SETD9: variants seen among roughly 807,000 people sequenced by gnomAD.
SETD9 encodes the protein SET domain containing 9.
Under a neutral mutation model 36.4 loss-of-function variants are expected in SETD9, and 37 were observed. The observed-to-expected ratio is 1.02, with a 90% CI of 0.78 to 1.34. The LOEUF (loss-of-function observed/expected upper bound fraction) is 1.34. Among genes scored for constraint, SETD9 ranks in the 40% most tolerant of loss-of-function variants. The pLI is 0.00. For synonymous variants in SETD9, 128 were observed against 132.9 expected (o/e 0.96, Z 0.26); for missense variants, 323 against 353.2 (o/e 0.91, Z 0.69).
chr5:56,919,126 CTT>C (rs34426416), downstream of SETD9, among the ~76,000 whole-genome samples: 15 of 132,526 alleles, frequency 1.1e-4, no homozygotes, highest in East Asian at 4.3e-4. Flanking sequence ...TTTGGGACTT[CTT>C]TTTTTTTTTT....
intron 5 of SETD9, among the ~76,000 whole-genome samples, chr5:56,915,575 T>C (rs747953620): frequency 6.6e-6 from 1 of 152,210 alleles, no homozygotes; most frequent in Non-Finnish European, 1.5e-5. Context: ...CTTTGTATTA[T>C]TTTGTTGAGT....
intron 5 of SETD9, chr5:56,923,786 G>T (rs768910149): frequency 6.2e-7 from 1 of 1,614,088 alleles, no homozygotes; most frequent in Non-Finnish European, 8.5e-7. Flanking sequence ...AGCATTTACC[G>T]TCCCACCCAA....
At chr5:56,911,065 G>C in intron 1 of SETD9, 104 bp from the exon 2 acceptor site, 2 of 1,341,800 alleles carry the variant, frequency 1.5e-6, no homozygotes, top group Non-Finnish European at 2.0e-6. Context: ...ACACACATGA[G>C]AATAAGCTTA....
chr5:56,917,449 C>A, downstream of SETD9: 2 of 507,770 alleles, frequency 3.9e-6, no homozygotes, highest in Non-Finnish European at 5.1e-6. Flanking sequence ...ATTTTCACAC[C>A]AAAGAAAAGG....
chr5:56,915,326 C>T (rs550284349), intron 5 of SETD9, among the ~76,000 whole-genome samples: 1 of 152,078 alleles, frequency 6.6e-6, no homozygotes, highest in South Asian at 2.1e-4. Context: ...AGAAAGCATC[C>T]AATTGAAGAA....
downstream of SETD9, among the ~76,000 whole-genome samples, chr5:56,927,590 G>C (rs544121761): frequency 1.7e-3 from 252 of 152,246 alleles, no homozygotes; most frequent in African/African-American, 5.8e-3. Context: ...TTTAAGAGTA[G>C]TTTGAGGTTC....
In SETD9 at chr5:56,910,070, G is replaced by C. The variant is rs1487277879; in HGVS notation, c.98+327G>C. 4 of 1,273,956 alleles carry C rather than the reference G, an allele frequency of 3.1e-6. No homozygotes were observed. The East Asian group carries it at 1.7e-4, about 54-fold the overall frequency. 78.9% of individuals were successfully genotyped at this position (1,273,956 alleles called of 1,614,324 possible). ...TGCGCTGCCGGGCCCGCGAGGCCGAGCTCGCCAGCCGGATGTGTCGCCTGT... is the reference window on the plus strand; with the variant it reads ...TGCGCTGCCGGGCCCGCGAGGCCGACCTCGCCAGCCGGATGTGTCGCCTGT... On this transcript the variant is annotated intron_variant, in intron 1 of 5. Transcript: ENST00000285947.
intron 1 of SETD9, chr5:56,910,147 T>A (rs1046411682): frequency 2.1e-5 from 26 of 1,219,306 alleles, no homozygotes; most frequent in Non-Finnish European, 2.6e-5. Flanking sequence ...TGGGCAAAAA[T>A]GGAAACTTTT....
Position 56,914,003 on chromosome 5 carries a change from A to G in SETD9, c.706+14A>G. The G allele has an allele frequency of 6.4e-7, 1 of 1,571,712 alleles. No homozygotes were observed. The highest frequency in any genetic ancestry group is 8.8e-7 in the Non-Finnish European group (1 of 1,141,424). On this transcript the variant is annotated intron_variant, in intron 4 of 5. Coordinates refer to ENST00000285947, the MANE Select transcript of SETD9 (RefSeq NM_153706.4). ...ATTGTTCCAATGGTAAGAAGGCATCATGGGGCTGTGAGATGAGATATATCA... is the reference window on the plus strand; with the variant it reads ...ATTGTTCCAATGGTAAGAAGGCATCGTGGGGCTGTGAGATGAGATATATCA...
chr5:56,916,182 AG>A (rs1315353848), intron 5 of SETD9, among the ~76,000 whole-genome samples: 5 of 152,204 alleles, frequency 3.3e-5, no homozygotes, highest in Admixed American at 3.3e-4. Flanking sequence ...TCACAAGGTC[AG>A]GAGTTTGAGA....
At chr5:56,925,105 C>A (rs552226324) in intron 5 of SETD9, among the ~76,000 whole-genome samples, 17 of 152,172 alleles carry the variant, frequency 1.1e-4, no homozygotes, top group Non-Finnish European at 1.9e-4. Flanking sequence ...TAAGTCATTA[C>A]AAAACTGATG....
downstream of SETD9, among the ~76,000 whole-genome samples, chr5:56,926,511 G>A (rs192755859): frequency 1.9e-4 from 29 of 151,952 alleles, no homozygotes; most frequent in African/African-American, 7.0e-4. Context: ...TCCTCATGAG[G>A]GAATTACAAA....
intron 5 of SETD9, chr5:56,923,886 G>A (rs940446528): frequency 1.2e-6 from 2 of 1,613,978 alleles, no homozygotes; most frequent in Non-Finnish European, 1.7e-6. Context: ...TTAAAAGTAA[G>A]TCTTTGAAGG....
rs751506417 is a variant in SETD9 at position 56,911,299 on chromosome 5, A to G, written c.229A>G (p.Met77Val). 3.1e-6 allele frequency: 5 copies of G among 1,611,726 alleles called. No individual in the cohort carries two copies. In the South Asian group the frequency reaches 3.3e-5, roughly 11 times the overall value. Residue 77 changes from methionine (M) to valine (V), a missense_variant, in exon 2 of 6, where the codon ATG becomes GTG. Transcript: ENST00000285947. Reference protein sequence around the residue: ...DFNKQSEILSMLPESVKSKYQ... With the variant: ...DFNKQSEILSVLPESVKSKYQ... Reference sequence around the variant, plus strand: ...CAATAAACAATCAGAAATCTTGTCTATGCTTCCAGAATCTGTTAAATCAAA... The same window carrying G: ...CAATAAACAATCAGAAATCTTGTCTGTGCTTCCAGAATCTGTTAAATCAAA...
downstream of SETD9, chr5:56,920,817 C>T (rs1035395552): frequency 2.6e-5 from 4 of 152,334 alleles, no homozygotes; most frequent in Non-Finnish European, 5.9e-5. Flanking sequence ...CACTTATATA[C>T]AAAAATCTTG....
At chr5:56,917,392 A>G, downstream of SETD9, 2 of 865,228 alleles carry the variant, frequency 2.3e-6, no homozygotes, top group Non-Finnish European at 2.8e-6. Context: ...TAGCTGGCTG[A>G]GGGGAAAATG....
chr5:56,911,738 G>A, intron 2 of SETD9: 1 of 501,038 alleles, frequency 2.0e-6, no homozygotes, highest in Non-Finnish European at 3.2e-6. Flanking sequence ...AGTATTTGTT[G>A]GGATAAATGC....
At chr5:56,912,108 T>C (rs976995874) in intron 2 of SETD9, 6 of 859,898 alleles carry the variant, frequency 7.0e-6, no homozygotes, top group South Asian at 5.3e-5. Context: ...TGAGCCGAGA[T>C]TGTGCCATTG....
rs114527393 is a variant in SETD9, at chr5:56,913,261, C to T, written c.590+127C>T. 6.2e-3 allele frequency: 7,219 copies of T among 1,164,890 alleles called. 51 individuals are homozygous for T. Among genetic ancestry groups the T allele is most frequent in the South Asian group, 0.018 (984 of 55,996 alleles). 72.2% of individuals were successfully genotyped at this position (1,164,890 alleles called of 1,614,324 possible). ...AAGAGATGGGGTCTTGCTATGTTGT[C>T]CAGGCTGGTTTTGAACTCCTGGCCT... On this transcript the variant is annotated intron_variant, in intron 3 of 5. Coordinates refer to ENST00000285947, the MANE Select transcript of SETD9 (RefSeq NM_153706.4).
Sources: gnomAD v4.1 joint callset for allele counts (sites outside exome capture counted in the v4.1 genomes callset) on GRCh38, gnomAD v4.1.1 for gene constraint, MANE v1.5 for transcripts, NCBI Gene and HGNC (gene_info 2026-07-23, HGNC 2026-07-21) for gene names.